Variants in FRMD5 observed in about 807,000 individuals in gnomAD.
The protein encoded by FRMD5 is FERM domain containing 5, also known as FERM domain-containing protein 5.
A neutral mutation model predicts 69.0 loss-of-function variants in FRMD5; 20 were observed. That is an observed-to-expected ratio of 0.29 (90% confidence interval 0.20 to 0.42). The LOEUF (loss-of-function observed/expected upper bound fraction) is 0.42, where lower values mean the gene tolerates loss of function less well. FRMD5 is among the 10% of genes least tolerant of loss of function. FRMD5 has a pLI of 1.00. For synonymous variants in FRMD5, 271 were observed against 260.1 expected (o/e 1.04, Z -0.40); for missense variants, 595 against 708.6 (o/e 0.84, Z 1.82).
intron 1 of FRMD5, among the ~76,000 whole-genome samples, chr15:44,084,595 T>C (rs1433399176): frequency 1.3e-5 from 2 of 152,134 alleles, no homozygotes; most frequent in African/African-American, 4.8e-5. Context: ...TTAAACCTTT[T>C]TTGTATATTA....
chr15:44,155,269 T>C (rs958706275), intron 1 of FRMD5, among the ~76,000 whole-genome samples: 3 of 151,756 alleles, frequency 2.0e-5, no homozygotes, highest in African/African-American at 7.3e-5. Context: ...CCGTCTCTAC[T>C]AAAAATACAA....
At chr15:44,073,837 C>T (rs752386675) in intron 1 of FRMD5, among the ~76,000 whole-genome samples, 23 of 152,052 alleles carry the variant, frequency 1.5e-4, no homozygotes, top group Non-Finnish European at 2.6e-4. Flanking sequence ...TTGCAGCTTA[C>T]GACAATAAAA....
At chr15:44,008,218 C>T (rs1470551631) in intron 1 of FRMD5, among the ~76,000 whole-genome samples, 3 of 151,050 alleles carry the variant, frequency 2.0e-5, no homozygotes, top group Non-Finnish European at 4.4e-5. Flanking sequence ...CAGGCATGAG[C>T]CTGTAAGGCT....
intron 1 of FRMD5, among the ~76,000 whole-genome samples, chr15:44,004,037 T>C (rs553334697): frequency 6.6e-6 from 1 of 152,340 alleles, no homozygotes; most frequent in Admixed American, 6.5e-5. Flanking sequence ...TTTCACCCCC[T>C]ATTTTGGCAG....
At chr15:43,882,804 A>C (rs2088566599) in intron 13 of FRMD5, among the ~76,000 whole-genome samples, 1 of 151,440 alleles carries the variant, frequency 6.6e-6, no homozygotes, top group Admixed American at 6.6e-5. Context: ...AAACAAGTGG[A>C]ATCCTCTTTT....
upstream of FRMD5, among the ~76,000 whole-genome samples, chr15:44,198,164 T>C (rs955351251): frequency 3.3e-5 from 5 of 151,310 alleles, no homozygotes; most frequent in Admixed American, 2.6e-4. Flanking sequence ...ATAATAATAA[T>C]AATACAAAGA....
At chr15:44,115,375 TC>T (rs1466515017) in intron 1 of FRMD5, among the ~76,000 whole-genome samples, 4 of 152,228 alleles carry the variant, frequency 2.6e-5, no homozygotes, top group Non-Finnish European at 5.9e-5. Flanking sequence ...TGCATTTTAT[TC>T]TTTTAATCTT....
chr15:44,115,055 C>A (rs898826594), intron 1 of FRMD5, among the ~76,000 whole-genome samples: 1 of 152,132 alleles, frequency 6.6e-6, no homozygotes, highest in African/African-American at 2.4e-5. Context: ...TTAAAAAAAA[C>A]TGAGTAAGCT....
chr15:44,185,094 A>G (rs1208583800), intron 1 of FRMD5, among the ~76,000 whole-genome samples: 1 of 152,228 alleles, frequency 6.6e-6, no homozygotes, highest in Non-Finnish European at 1.5e-5. Flanking sequence ...AAAGTAAGCA[A>G]AGAAAGTATT....
At position 43,873,110 on chromosome 15, in the gene FRMD5, G is replaced by A; in HGVS notation, c.*775C>T. The A allele has an allele frequency of 7.0e-7, 1 of 1,437,334 alleles. No individual in the cohort carries two copies. The highest frequency in any genetic ancestry group is 9.5e-7 in the Non-Finnish European group (1 of 1,054,060). 89.0% of individuals were successfully genotyped at this position (1,437,334 alleles called of 1,614,324 possible). A position where few individuals can be genotyped will look rare whatever the true frequency, so the allele number is the denominator to read the frequency against. On this transcript the variant is annotated 3_prime_UTR_variant, in exon 14 of 14. Transcript: ENST00000417257. ...GAAAAAAAAAATCACGTTAAGTCTA[G>A]TTTCATTATACAAAACTATGGTGAT...
chr15:44,064,215 C>A, intron 1 of FRMD5: 1 of 180,936 alleles, frequency 5.5e-6, no homozygotes, highest in South Asian at 1.2e-4. Flanking sequence ...TCTTCCATGT[C>A]TCCCACCACC....
At chr15:44,032,055 A>G (rs942730590) in intron 1 of FRMD5, among the ~76,000 whole-genome samples, 1 of 152,180 alleles carries the variant, frequency 6.6e-6, no homozygotes, top group African/African-American at 2.4e-5. Context: ...CTGCACATCT[A>G]TGACCATCTG....
At chr15:44,024,230 T>C (rs182267000) in intron 1 of FRMD5, among the ~76,000 whole-genome samples, 1 of 152,106 alleles carries the variant, frequency 6.6e-6, no homozygotes, top group African/African-American at 2.4e-5. Flanking sequence ...TTTTTTTTTT[T>C]ATGATTTTCG....
intron 1 of FRMD5, among the ~76,000 whole-genome samples, chr15:43,928,538 C>T (rs1281700332): frequency 3.9e-5 from 6 of 152,186 alleles, no homozygotes; most frequent in East Asian, 1.9e-4. Flanking sequence ...TACAAGCCAA[C>T]GGCAGGGGCA....
intron 1 of FRMD5, among the ~76,000 whole-genome samples, chr15:44,143,066 C>G (rs565029762): frequency 6.6e-6 from 1 of 150,486 alleles, no homozygotes; most frequent in Non-Finnish European, 1.5e-5. Context: ...CACTCCAGCT[C>G]GGGTGACACA....
intron 1 of FRMD5, among the ~76,000 whole-genome samples, chr15:44,150,119 T>C (rs1173610474): frequency 1.3e-5 from 2 of 152,134 alleles, no homozygotes; most frequent in Non-Finnish European, 2.9e-5. Flanking sequence ...CTTTTTGTGA[T>C]AAAAACATTC....
At position 44,139,727 on chromosome 15, in the gene FRMD5, C is replaced by CA. The variant is rs71111842; in HGVS notation, c.102+55225dup. Among the ~76,000 whole-genome samples the CA allele has an allele frequency of 7.0e-3, 504 of 72,052 alleles. 34 individuals are homozygous for CA. The highest frequency in any genetic ancestry group is 7.8e-3 in the African/African-American group (137 of 17,662). 47.3% of individuals were successfully genotyped at this position (72,052 alleles called of 152,430 possible). On this transcript the variant is annotated intron_variant, in intron 1 of 13. Transcript: ENST00000417257. ...GCAATAAAGTGAGACCCAGTCTCTA[C>CA]AAAAAAAAAAAAAAAAAAAAAAAAA...
At chr15:44,146,387 A>T (rs1329467133) in intron 1 of FRMD5, among the ~76,000 whole-genome samples, 1 of 152,170 alleles carries the variant, frequency 6.6e-6, no homozygotes, top group East Asian at 1.9e-4. Context: ...CATTTTATCC[A>T]GTCTATCATT....
At chr15:43,896,947 A>C (rs1174488893) in intron 7 of FRMD5, among the ~76,000 whole-genome samples, 1 of 152,178 alleles carries the variant, frequency 6.6e-6, no homozygotes, top group East Asian at 1.9e-4. Context: ...TACTACACTT[A>C]AACTTGGCCA....
Sources: gnomAD v4.1 joint callset for allele counts (sites outside exome capture counted in the v4.1 genomes callset) on GRCh38, gnomAD v4.1.1 for gene constraint, MANE v1.5 for transcripts, NCBI Gene and HGNC (gene_info 2026-07-23, HGNC 2026-07-21) for gene names.